Variants in HS6ST2 observed in about 807,000 individuals in gnomAD.
The protein encoded by HS6ST2 is heparan-sulfate 6-O-sulfotransferase 2.
Under a neutral mutation model 33.0 loss-of-function variants are expected in HS6ST2, and 17 were observed. That is an observed-to-expected ratio of 0.52 (90% CI 0.35 to 0.77). The LOEUF is 0.77. Among genes scored for constraint, HS6ST2 ranks in the 30% least tolerant of loss-of-function variants. The pLI, the probability that HS6ST2 is intolerant of heterozygous loss-of-function variation, is 0.01. For synonymous variants in HS6ST2, 248 were observed against 237.1 expected, an observed-to-expected ratio of 1.05 and a Z score of -0.42; for missense variants, 519 against 551.7, an observed-to-expected ratio of 0.94 and a Z score of 0.59.
At chrX:132,830,706 TAGAA>T (rs1220354637) in intron 2 of HS6ST2, among the ~76,000 whole-genome samples, 7 of 111,819 alleles carry the variant, frequency 6.3e-5, no homozygotes, top group Non-Finnish European at 1.3e-4. Context: ...CCAAAACCGT[TAGAA>T]AGAGCCTGAA....
At chrX:132,873,025 C>T (rs1323978946) in intron 2 of HS6ST2, among the ~76,000 whole-genome samples, 1 of 111,166 alleles carries the variant, frequency 9.0e-6, no homozygotes, top group African/African-American at 3.3e-5. Context: ...TGCAATCTCT[C>T]AAAACTGCAT....
chrX:132,914,670 C>T (rs768515040), intron 2 of HS6ST2, among the ~76,000 whole-genome samples: 2 of 111,897 alleles, frequency 1.8e-5, no homozygotes, highest in Non-Finnish European at 3.8e-5. Flanking sequence ...ATCTAACCAA[C>T]ACAACAGCCC....
chrX:132,897,630 T>C (rs1050048659), intron 2 of HS6ST2, among the ~76,000 whole-genome samples: 2 of 111,198 alleles, frequency 1.8e-5, no homozygotes, highest in East Asian at 2.9e-4. Context: ...AGATCAGTGA[T>C]ATGACTTGCT....
At chrX:132,634,681 AG>A in intron 4 of HS6ST2, among the ~76,000 whole-genome samples, 1 of 112,009 alleles carries the variant, frequency 8.9e-6, no homozygotes, top group East Asian at 2.8e-4. Context: ...TGAGATAGGG[AG>A]GAACTGCCTG....
intron 2 of HS6ST2, among the ~76,000 whole-genome samples, chrX:132,884,092 G>A (rs1469223945): frequency 9.0e-6 from 1 of 111,010 alleles, no homozygotes; most frequent in Non-Finnish European, 1.9e-5. Flanking sequence ...TCTGACTTCC[G>A]AGTGAATGGG....
chrX:132,942,193 C>T (rs1457302548), intron 2 of HS6ST2, among the ~76,000 whole-genome samples: 1 of 111,803 alleles, frequency 8.9e-6, no homozygotes. Flanking sequence ...TCTAGAGTAT[C>T]TGGCAATGAG....
At chrX:132,677,090 C>T (rs1049731757) in intron 3 of HS6ST2, among the ~76,000 whole-genome samples, 2 of 112,214 alleles carry the variant, frequency 1.8e-5, no homozygotes, top group Admixed American at 1.9e-4. Context: ...AATGATCCGG[C>T]ATAATTAAAA....
chrX:132,645,284 A>G (rs1036971324), intron 4 of HS6ST2, among the ~76,000 whole-genome samples: 1 of 112,811 alleles, frequency 8.9e-6, no homozygotes, highest in Non-Finnish European at 1.9e-5. Flanking sequence ...GGCAAGTTCT[A>G]TGGGGCAGGA....
intron 4 of HS6ST2, among the ~76,000 whole-genome samples, chrX:132,642,338 TC>T (rs2063607382): frequency 9.0e-6 from 1 of 111,176 alleles, no homozygotes; most frequent in Non-Finnish European, 1.9e-5. Flanking sequence ...GGAAAAGTTT[TC>T]CCCCTAAATG....
At chrX:132,729,187 A>T (rs2064430152) in intron 2 of HS6ST2, among the ~76,000 whole-genome samples, 1 of 112,570 alleles carries the variant, frequency 8.9e-6, no homozygotes, top group Non-Finnish European at 1.9e-5. Flanking sequence ...TCAGCTTCCA[A>T]ATCCTTATAT....
chrX:132,724,727 G>T (rs763745139), intron 2 of HS6ST2, among the ~76,000 whole-genome samples: 1 of 111,946 alleles, frequency 8.9e-6, no homozygotes, highest in South Asian at 3.7e-4. Flanking sequence ...AACAAAACTG[G>T]AGGAATCACA....
At chrX:132,705,964 T>G (rs1014920124) in intron 3 of HS6ST2, among the ~76,000 whole-genome samples, 1 of 112,008 alleles carries the variant, frequency 8.9e-6, no homozygotes, top group Admixed American at 9.5e-5. Flanking sequence ...GGCATATTTT[T>G]AAAATTCTGA....
At position 132,628,478 on chromosome X, in the gene HS6ST2, C is replaced by G; in HGVS notation, c.1683G>C (p.Leu561=). Residue 561 remains leucine, a synonymous_variant, in exon 5 of 5, where the codon CTG becomes CTC. Coordinates refer to ENST00000370833, the MANE Select transcript of HS6ST2 (RefSeq NM_001394073.1). ...RRKRQEQRKF[L]KGRLLQTHFQ... ...AATGGGTCTGAAGGAGCCTTCCCTTCAGAAATTTGCGTTGTTCCTGACGCT... is the reference window on the plus strand; with the variant it reads ...AATGGGTCTGAAGGAGCCTTCCCTTGAGAAATTTGCGTTGTTCCTGACGCT... 8.3e-7 allele frequency: 1 copy of G among 1,211,268 alleles called. No individual in the cohort carries two copies. Among genetic ancestry groups the G allele is most frequent in the Non-Finnish European group, 1.1e-6 (1 of 895,371 alleles).
At chrX:132,654,110 G>T (rs1377669988) in intron 4 of HS6ST2, among the ~76,000 whole-genome samples, 1 of 110,861 alleles carries the variant, frequency 9.0e-6, no homozygotes, top group Non-Finnish European at 1.9e-5. Context: ...TGCTAACAGG[G>T]TAGATCTTAT....
chrX:132,828,739 T>C lies in HS6ST2; in HGVS notation c.948-120245A>G, dbSNP rs1050566803. On this transcript the variant is annotated intron_variant, in intron 2 of 4. Transcript: ENST00000370833. ...ACACACACACACACACACACACACA[T>C]ACACACACAAACATAGGTGTGATTT... Among the ~76,000 whole-genome samples, 301 of 64,582 alleles carry C rather than the reference T, an allele frequency of 4.7e-3. 1 individual carries two copies. Among genetic ancestry groups the C allele is most frequent in the Non-Finnish European group, 7.6e-3 (254 of 33,483 alleles). The allele number at this position is 64,582 out of a possible 115,157, so 56.1% of individuals were successfully genotyped here. A position where few individuals can be genotyped will look rare whatever the true frequency, so the allele number is the denominator to read the frequency against.
chrX:132,825,231 A>C (rs2065506115), intron 2 of HS6ST2, among the ~76,000 whole-genome samples: 1 of 111,510 alleles, frequency 9.0e-6, no homozygotes, highest in Admixed American at 9.6e-5. Context: ...TTCTAGTATG[A>C]TACTGGGGTA....
At chrX:132,743,044 T>C (rs1289091034) in intron 2 of HS6ST2, among the ~76,000 whole-genome samples, 1 of 111,883 alleles carries the variant, frequency 8.9e-6, no homozygotes, top group Non-Finnish European at 1.9e-5. Context: ...GGTGGCATGA[T>C]TAAGCACCAT....
intron 4 of HS6ST2, among the ~76,000 whole-genome samples, chrX:132,633,814 C>T (rs918407813): frequency 4.5e-5 from 5 of 111,963 alleles, no homozygotes; most frequent in Admixed American, 9.4e-5. Flanking sequence ...TTCAAGGCCC[C>T]GCTATCCTGT....
chrX:132,716,345 C>A (rs1262450179), intron 2 of HS6ST2, among the ~76,000 whole-genome samples: 1 of 112,035 alleles, frequency 8.9e-6, no homozygotes, highest in Non-Finnish European at 1.9e-5. Context: ...ACCTATTTGA[C>A]AATTTAGTCT....
Sources: gnomAD v4.1 joint callset for allele counts (sites outside exome capture counted in the v4.1 genomes callset) on GRCh38, gnomAD v4.1.1 for gene constraint, MANE v1.5 for transcripts, NCBI Gene and HGNC (gene_info 2026-07-23, HGNC 2026-07-21) for gene names.